Variants in JMJD1C observed in about 807,000 individuals in gnomAD.
The protein encoded by JMJD1C is jumonji domain-containing protein 1C.
In JMJD1C, 31 loss-of-function variants were observed where a neutral mutation model predicts 245.3. The observed-to-expected ratio is 0.13, with a 90% confidence interval of 0.09 to 0.17. The LOEUF (loss-of-function observed/expected upper bound fraction) is 0.17. Among genes scored for constraint, JMJD1C ranks in the 10% least tolerant of loss-of-function variants. JMJD1C has a pLI of 1.00. For missense variants in JMJD1C, 2,691 were observed against 3,000.2 expected (o/e 0.90, Z 2.41); for synonymous variants, 1,057 against 1,017.4 (o/e 1.04, Z -0.74).
intron 1 of JMJD1C, among the ~76,000 whole-genome samples, chr10:63,404,502 C>A (rs951780228): frequency 2.0e-5 from 3 of 152,026 alleles, no homozygotes; most frequent in African/African-American, 7.3e-5. Context: ...GCCTCAGCCT[C>A]CTGAGTAGCT....
At chr10:63,453,373 G>C (rs1952192856) in intron 1 of JMJD1C, among the ~76,000 whole-genome samples, 1 of 152,152 alleles carries the variant, frequency 6.6e-6, no homozygotes, top group Admixed American at 6.5e-5. Flanking sequence ...TGAAAATGAA[G>C]AGTAATGAAC....
At chr10:63,464,769 T>C (rs1320223541) in intron 1 of JMJD1C, among the ~76,000 whole-genome samples, 4 of 152,130 alleles carry the variant, frequency 2.6e-5, no homozygotes, top group Non-Finnish European at 2.9e-5. Context: ...TCGTCTTATT[T>C]AAAATCGTAT....
chr10:63,178,795 T>C (rs1453793038), intron 22 of JMJD1C, among the ~76,000 whole-genome samples: 1 of 152,186 alleles, frequency 6.6e-6, no homozygotes, highest in Non-Finnish European at 1.5e-5. Flanking sequence ...ACTTTAGAAG[T>C]GTACAAACAA....
At chr10:63,384,844 G>C (rs1410962004) in intron 1 of JMJD1C, among the ~76,000 whole-genome samples, 3 of 152,136 alleles carry the variant, frequency 2.0e-5, no homozygotes, top group Non-Finnish European at 2.9e-5. Context: ...TGTGTTTACT[G>C]GAGTAGCACT....
chr10:63,259,923 CAG>C (rs1854480443), intron 3 of JMJD1C, among the ~76,000 whole-genome samples: 1 of 151,986 alleles, frequency 6.6e-6, no homozygotes, highest in Admixed American at 6.5e-5. Flanking sequence ...TTTTTTGAGA[CAG>C]AGTTTCACTC....
chr10:63,243,887 TTCTA>T (rs1349304118), intron 3 of JMJD1C, among the ~76,000 whole-genome samples: 1 of 152,100 alleles, frequency 6.6e-6, no homozygotes, highest in Non-Finnish European at 1.5e-5. Flanking sequence ...GAATCTCACT[TTCTA>T]TCTGCAGTGC....
intron 2 of JMJD1C, chr10:63,380,117 T>C (rs1467209630): frequency 2.4e-6 from 1 of 415,184 alleles, no homozygotes; most frequent in Admixed American, 4.1e-5. Context: ...TTTTTTTTTT[T>C]TTTTTTGGTA....
intron 3 of JMJD1C, among the ~76,000 whole-genome samples, chr10:63,224,538 T>C (rs1465066295): frequency 6.6e-6 from 1 of 152,196 alleles, no homozygotes; most frequent in Non-Finnish European, 1.5e-5. Flanking sequence ...AGAGGATTAT[T>C]AAAGGTTAAA....
intron 1 of JMJD1C, among the ~76,000 whole-genome samples, chr10:63,422,606 G>A (rs1950186795): frequency 6.6e-6 from 1 of 152,112 alleles, no homozygotes; most frequent in Non-Finnish European, 1.5e-5. Context: ...CTCTACTGTA[G>A]ACCCACTCAA....
intron 8 of JMJD1C, among the ~76,000 whole-genome samples, chr10:63,210,818 A>G (rs1026274048): frequency 4.6e-5 from 7 of 152,238 alleles, no homozygotes; most frequent in African/African-American, 1.4e-4. Flanking sequence ...AGGATAATAT[A>G]GTGATTAGTG....
chr10:63,319,361 C>CA (rs569722939), intron 2 of JMJD1C, among the ~76,000 whole-genome samples: 4 of 144,056 alleles, frequency 2.8e-5, no homozygotes, highest in African/African-American at 1.0e-4. Flanking sequence ...TTGTTTGTGA[C>CA]TTTTTTTTTT....
chr10:63,441,092 T>C (rs1169556366), intron 1 of JMJD1C, among the ~76,000 whole-genome samples: 3 of 152,144 alleles, frequency 2.0e-5, no homozygotes, highest in Admixed American at 6.5e-5. Context: ...AAAGGGATTG[T>C]AGGAAAAAGG....
intron 2 of JMJD1C, among the ~76,000 whole-genome samples, chr10:63,348,355 A>C (rs960708807): frequency 6.6e-6 from 1 of 152,210 alleles, no homozygotes; most frequent in African/African-American, 2.4e-5. Flanking sequence ...ATGAAGATAT[A>C]CTGGCTATCT....
chr10:63,247,734 A>AAG (rs1189916813), intron 3 of JMJD1C, among the ~76,000 whole-genome samples: 86 of 151,172 alleles, frequency 5.7e-4, no homozygotes, highest in South Asian at 2.3e-3. Context: ...AAAAAAAAAA[A>AAG]AAAAGAAACA....
intron 2 of JMJD1C, among the ~76,000 whole-genome samples, chr10:63,293,909 A>T (rs1365833550): frequency 6.6e-6 from 1 of 152,042 alleles, no homozygotes; most frequent in African/African-American, 2.4e-5. Context: ...TCTAAGTATT[A>T]TCTATATGCA....
chr10:63,286,657 C>T (rs1858013651), intron 2 of JMJD1C, among the ~76,000 whole-genome samples: 1 of 152,280 alleles, frequency 6.6e-6, no homozygotes, highest in South Asian at 2.1e-4. Context: ...CCCAATTATA[C>T]ACACCAGGTT....
intron 2 of JMJD1C, among the ~76,000 whole-genome samples, chr10:63,344,327 C>T (rs1943625521): frequency 6.6e-6 from 1 of 152,132 alleles, no homozygotes; most frequent in African/African-American, 2.4e-5. Context: ...TAACATGCTA[C>T]ACAGGTTTGT....
intron 24 of JMJD1C, among the ~76,000 whole-genome samples, chr10:63,175,372 G>A (rs1222730811): frequency 6.6e-6 from 1 of 152,080 alleles, no homozygotes; most frequent in African/African-American, 2.4e-5. Flanking sequence ...AGAGAAAAAG[G>A]TATTTATTAT....
intron 1 of JMJD1C, among the ~76,000 whole-genome samples, chr10:63,421,905 T>C (rs1407966284): frequency 6.6e-6 from 1 of 152,226 alleles, no homozygotes; most frequent in Non-Finnish European, 1.5e-5. Context: ...CTTGAATTTG[T>C]GGCCTCCAGA....
Sources: allele counts gnomAD v4.1 joint callset (sites outside exome capture counted in the v4.1 genomes callset), GRCh38; gene constraint gnomAD v4.1.1; transcripts MANE v1.5; gene names NCBI Gene and HGNC (gene_info 2026-07-23, HGNC 2026-07-21).